The following DYRK1A variants were observed in gnomAD, a reference collection of about 807,000 sequenced individuals.
The protein encoded by DYRK1A is dual specificity tyrosine phosphorylation regulated kinase 1A.
A neutral mutation model predicts 79.7 loss-of-function variants in DYRK1A; 9 were observed. The ratio of observed to expected loss-of-function variants is 0.11; its 90% CI spans 0.07 to 0.20. DYRK1A has a LOEUF of 0.20. Among genes scored for constraint, DYRK1A ranks in the 10% least tolerant of loss-of-function variants. The pLI is 1.00. For missense variants in DYRK1A, 622 were observed against 956.0 expected (o/e 0.65, Z 4.61); for synonymous variants, 349 against 329.7 (o/e 1.06, Z -0.63).
chr21:37,403,639 A>T (rs1360091120), intron 1 of DYRK1A, among the ~76,000 whole-genome samples: 33 of 81,200 alleles, frequency 4.1e-4, no homozygotes, highest in African/African-American at 1.9e-3. Flanking sequence ...CTAATTAAAA[A>T]AAAAAAAAAA....
intron 5 of DYRK1A, among the ~76,000 whole-genome samples, chr21:37,482,124 G>A (rs1285927684): frequency 6.6e-6 from 1 of 152,176 alleles, no homozygotes; most frequent in Non-Finnish European, 1.5e-5. Context: ...GAACCTGCAT[G>A]TGCTTACTTC....
At chr21:37,509,760 C>T (rs892069315) in intron 11 of DYRK1A, among the ~76,000 whole-genome samples, 1 of 152,206 alleles carries the variant, frequency 6.6e-6, no homozygotes, top group Admixed American at 6.5e-5. Context: ...AGTTCATTTC[C>T]AACCTTTTTT....
chr21:37,440,864 G>T (rs1204048734), intron 2 of DYRK1A, among the ~76,000 whole-genome samples: 1 of 152,158 alleles, frequency 6.6e-6, no homozygotes, highest in Non-Finnish European at 1.5e-5. Context: ...AGAAAAGAAT[G>T]TATATTCTGC....
chr21:37,418,368 G>T (rs1393045386), intron 1 of DYRK1A, among the ~76,000 whole-genome samples: 1 of 152,092 alleles, frequency 6.6e-6, no homozygotes, highest in Non-Finnish European at 1.5e-5. Flanking sequence ...ATTTTGATGT[G>T]TCTTACCTTT....
At chr21:37,467,974 A>G (rs925399969) in intron 2 of DYRK1A, among the ~76,000 whole-genome samples, 3 of 152,164 alleles carry the variant, frequency 2.0e-5, no homozygotes, top group Admixed American at 6.5e-5. Context: ...AGGTAAATCC[A>G]TCATTGCGGA....
chr21:37,476,016 C>G (rs1237962751), intron 3 of DYRK1A, among the ~76,000 whole-genome samples: 1 of 152,104 alleles, frequency 6.6e-6, no homozygotes, highest in Non-Finnish European at 1.5e-5. Flanking sequence ...AACAAATAGC[C>G]TAAAAATGAC....
At chr21:37,392,473 T>C (rs1027486832) in intron 1 of DYRK1A, among the ~76,000 whole-genome samples, 1 of 152,254 alleles carries the variant, frequency 6.6e-6, no homozygotes. Context: ...TTATAAAAAA[T>C]AGAATTTATT....
chr21:37,369,454 TGGA>T, intron 1 of DYRK1A, among the ~76,000 whole-genome samples: 1 of 152,360 alleles, frequency 6.6e-6, no homozygotes, highest in East Asian at 1.9e-4. Flanking sequence ...CCCAGTACTT[TGGA>T]GGATTTTCCC....
intron 9 of DYRK1A, among the ~76,000 whole-genome samples, chr21:37,497,960 GAT>G (rs151188616): frequency 0.01 from 1,542 of 152,200 alleles, 22 homozygotes; most frequent in African/African-American, 0.034. Context: ...GCTTTTAAGA[GAT>G]AAATTTTGTA....
intron 2 of DYRK1A, among the ~76,000 whole-genome samples, chr21:37,448,088 T>A (rs1449554558): frequency 6.6e-6 from 1 of 152,166 alleles, no homozygotes; most frequent in Non-Finnish European, 1.5e-5. Flanking sequence ...TAGACCATCT[T>A]TTTTTACATT....
intron 7 of DYRK1A, 91 bp from the exon 8 acceptor site, chr21:37,492,926 C>CTTTTCTG: frequency 1.8e-6 from 2 of 1,094,602 alleles, no homozygotes; most frequent in Non-Finnish European, 2.6e-6. Flanking sequence ...TTAGCCAATT[C>CTTTTCTG]TTTTCTGTTA....
intron 1 of DYRK1A, among the ~76,000 whole-genome samples, chr21:37,407,342 A>G (rs1278233620): frequency 1.3e-5 from 2 of 152,202 alleles, no homozygotes; most frequent in Non-Finnish European, 1.5e-5. Flanking sequence ...AACCCATCAT[A>G]TGAGTTCAGG....
At chr21:37,392,979 C>T (rs1254163166) in intron 1 of DYRK1A, among the ~76,000 whole-genome samples, 1 of 152,188 alleles carries the variant, frequency 6.6e-6, no homozygotes, top group African/African-American at 2.4e-5. Context: ...CTGTTAAGCC[C>T]TTTTATAATG....
In DYRK1A at chr21:37,512,888, A is replaced by T. The variant is rs775868502; in HGVS notation, c.*357A>T. 1 of 192,286 alleles carries T rather than the reference A, an allele frequency of 5.2e-6. No individual in the cohort carries two copies. Among genetic ancestry groups the T allele is most frequent in the Non-Finnish European group, 1.1e-5 (1 of 93,732 alleles). The allele number at this position is 192,286 out of a possible 1,614,324, so 11.9% of individuals were successfully genotyped here. A position where few individuals can be genotyped will look rare whatever the true frequency, so the allele number is the denominator to read the frequency against. The stretch of plus-strand genomic sequence containing the variant: ...GCCAACTAATTTTAAAGTAAAAGGC[A>T]CTGCACATAATTTGCATAAAGGGCC... On this transcript the variant is annotated 3_prime_UTR_variant, in exon 12 of 12. Transcript: ENST00000647188.
Position 37,382,978 on chromosome 21 carries a change from C to A in DYRK1A, c.-77+15350C>A, listed in dbSNP as rs148201185. Reference sequence around the variant, plus strand: ...GGATTATAAACAAGATAATCTAACACCTTTCTGTGTTTGGGGAAGTCTTTA... The same window carrying A: ...GGATTATAAACAAGATAATCTAACAACTTTCTGTGTTTGGGGAAGTCTTTA... On this transcript the variant is annotated intron_variant, in intron 1 of 11. Transcript: ENST00000647188. 2.5e-3 allele frequency among the ~76,000 whole-genome samples: 387 copies of A among 152,254 alleles called. 3 individuals are homozygous for A. Among genetic ancestry groups the A allele is most frequent in the African/African-American group, 8.7e-3 (361 of 41,534 alleles).
rs902907301 is a variant in DYRK1A, at chr21:37,517,527, C to G, written c.*4996C>G. ...TCATTCATTAGTCAGTGTACTTGCC[C>G]CTGAATTCCATATCTGAAACTGCAG... On this transcript the variant is annotated 3_prime_UTR_variant, in exon 12 of 12. Transcript: ENST00000647188. 1 of 152,112 alleles carries G rather than the reference C, an allele frequency of 6.6e-6. No individual in the cohort carries two copies. Among genetic ancestry groups the G allele is most frequent in the Non-Finnish European group, 1.5e-5 (1 of 68,042 alleles). The allele number at this position is 152,112 out of a possible 1,614,324, so 9.4% of individuals were successfully genotyped here.
At chr21:37,377,244 C>T (rs1011673311) in intron 1 of DYRK1A, among the ~76,000 whole-genome samples, 17 of 152,088 alleles carry the variant, frequency 1.1e-4, no homozygotes, top group African/African-American at 2.9e-4. Flanking sequence ...CTCAGCCTCC[C>T]GAGTAGCTGG....
chr21:37,451,406 T>C (rs966617883), intron 2 of DYRK1A, among the ~76,000 whole-genome samples: 1 of 121,498 alleles, frequency 8.2e-6, no homozygotes, highest in African/African-American at 3.1e-5. Flanking sequence ...CTTCCAGTCC[T>C]GCAAGCTCCA....
At chr21:37,497,982 CAA>C (rs1601294957) in intron 9 of DYRK1A, among the ~76,000 whole-genome samples, 1 of 152,000 alleles carries the variant, frequency 6.6e-6, no homozygotes, top group Non-Finnish European at 1.5e-5. Context: ...AACAAAAAGT[CAA>C]ATTCATAATC....
Sources: gnomAD v4.1 joint callset for allele counts (sites outside exome capture counted in the v4.1 genomes callset) on GRCh38, gnomAD v4.1.1 for gene constraint, MANE v1.5 for transcripts, NCBI Gene and HGNC (gene_info 2026-07-23, HGNC 2026-07-21) for gene names.